ATAD2B: variants seen among roughly 807,000 people sequenced by gnomAD.
ATAD2B encodes ATPase family AAA domain-containing protein 2B.
ATAD2B carries 40 observed loss-of-function variants against 167.6 expected under a neutral mutation model. That is an observed-to-expected ratio of 0.24 (90% CI 0.19 to 0.31). The LOEUF (loss-of-function observed/expected upper bound fraction) is 0.31, where lower values mean the gene tolerates loss of function less well. Among genes scored for constraint, ATAD2B ranks in the 10% least tolerant of loss-of-function variants. The pLI, the probability that ATAD2B is intolerant of heterozygous loss-of-function variation, is 1.00. For missense variants in ATAD2B, 1,242 were observed against 1,757.2 expected (o/e 0.71, Z 5.24); for synonymous variants, 579 against 596.5 (o/e 0.97, Z 0.43).
the ATAD2B span, among the ~76,000 whole-genome samples, chr2:23,731,438 A>G: frequency 6.6e-6 from 1 of 152,210 alleles, no homozygotes; most frequent in Non-Finnish European, 1.5e-5. Flanking sequence ...ACATCACAAT[A>G]AGGAGGATAA....
intron 22 of ATAD2B, among the ~76,000 whole-genome samples, chr2:23,773,088 A>C (rs1342654047): frequency 1.3e-5 from 2 of 152,098 alleles, no homozygotes; most frequent in African/African-American, 2.4e-5. Context: ...CTTTTCAATC[A>C]TTGTTTAGAA....
the ATAD2B span, among the ~76,000 whole-genome samples, chr2:23,684,809 C>T: frequency 0.033 from 4,961 of 152,186 alleles, 99 homozygotes; most frequent in South Asian, 0.085. The surrounding 1 kb of genome is among the most constrained non-coding windows in gnomAD (Gnocchi z 4.4). Context: ...TAGACAACAC[C>T]GTGCCCCACC....
At chr2:23,718,405 G>A in the ATAD2B span, among the ~76,000 whole-genome samples, 1 of 152,184 alleles carries the variant, frequency 6.6e-6, no homozygotes, top group Non-Finnish European at 1.5e-5. Flanking sequence ...CAGGAAAGGG[G>A]TGTCTTAGGA....
downstream of ATAD2B, among the ~76,000 whole-genome samples, chr2:23,745,148 G>A (rs1000723232): frequency 6.6e-6 from 1 of 152,016 alleles, no homozygotes; most frequent in South Asian, 2.1e-4. Context: ...TTAGCCAGGG[G>A]TGGTGGCACA....
chr2:23,731,159 A>C, the ATAD2B span, among the ~76,000 whole-genome samples: 305 of 152,358 alleles, frequency 2.0e-3, 1 homozygote, highest in African/African-American at 6.8e-3. Flanking sequence ...CTATGAATTC[A>C]TAATAATACC....
intron 7 of ATAD2B, 93 bp downstream of exon 7, chr2:23,880,546 G>C (rs2150205134): frequency 1.4e-6 from 1 of 710,040 alleles, no homozygotes; most frequent in Non-Finnish European, 2.4e-6. Context: ...CTGGGCGATG[G>C]AGCGAGACTC....
At chr2:23,823,189 G>T in intron 16 of ATAD2B, 69 bp downstream of exon 16, 1 of 1,260,862 alleles carries the variant, frequency 7.9e-7, no homozygotes, top group Non-Finnish European at 1.1e-6. Context: ...ATAATCTTAT[G>T]AGGAAACTAT....
chr2:23,822,103 C>CTCAT (rs933351685), intron 16 of ATAD2B, among the ~76,000 whole-genome samples: 5 of 152,214 alleles, frequency 3.3e-5, no homozygotes, highest in Admixed American at 3.3e-4. Context: ...CTGCACACTG[C>CTCAT]AGAGTGTCCT....
the ATAD2B span, among the ~76,000 whole-genome samples, chr2:23,738,581 G>C: frequency 6.6e-6 from 1 of 152,144 alleles, no homozygotes; most frequent in Non-Finnish European, 1.5e-5. Flanking sequence ...ACTGGTACCA[G>C]CCACTGCAAA....
At chr2:23,886,930 CAAA>C (rs771470947) in intron 4 of ATAD2B, among the ~76,000 whole-genome samples, 2 of 116,414 alleles carry the variant, frequency 1.7e-5, no homozygotes, top group African/African-American at 3.2e-5. Context: ...GACTCCATCT[CAAA>C]AAAAAAAAAA....
chr2:23,880,342 AT>A (rs1435349536), intron 7 of ATAD2B, among the ~76,000 whole-genome samples: 1 of 152,122 alleles, frequency 6.6e-6, no homozygotes, highest in Non-Finnish European at 1.5e-5. Flanking sequence ...GGCAATATTA[AT>A]TTTTTTAAAA....
In ATAD2B at chr2:23,805,035, C is replaced by T. The variant is rs1684142419; in HGVS notation, c.2454+5281G>A. 2.6e-5 allele frequency among the ~76,000 whole-genome samples: 4 copies of T among 151,106 alleles called. No individual in the cohort carries two copies. In the South Asian group the frequency reaches 6.2e-4, roughly 24 times the overall value. On this transcript the variant is annotated intron_variant, in intron 18 of 27. Coordinates refer to ENST00000238789, the MANE Select transcript of ATAD2B (RefSeq NM_017552.4). The stretch of plus-strand genomic sequence containing the variant: ...GTGGGCGCCTATAATCCCACCTACT[C>T]GGGAGGCTTAGACAGGAGAATCACT...
chr2:23,792,389 T>C (rs962509889), intron 19 of ATAD2B, among the ~76,000 whole-genome samples: 1 of 151,802 alleles, frequency 6.6e-6, no homozygotes, highest in African/African-American at 2.4e-5. Flanking sequence ...TTCCTTAGAA[T>C]TGTTAGTCCC....
intron 19 of ATAD2B, among the ~76,000 whole-genome samples, chr2:23,797,423 A>C (rs17045924): frequency 0.023 from 3,502 of 152,230 alleles, 134 homozygotes; most frequent in African/African-American, 0.079. Flanking sequence ...TACGTGTATT[A>C]GTAATAACAT....
intron 22 of ATAD2B, among the ~76,000 whole-genome samples, chr2:23,765,946 A>C (rs1677349337): frequency 1.3e-5 from 2 of 152,224 alleles, no homozygotes; most frequent in African/African-American, 4.8e-5. Flanking sequence ...GTAAAAATTT[A>C]AAAAGTATTT....
chr2:23,885,908 CA>C, intron 4 of ATAD2B, 79 bp from the exon 5 acceptor site: 1 of 820,136 alleles, frequency 1.2e-6, no homozygotes, highest in Non-Finnish European at 1.9e-6. Context: ...AAAGTGTAAT[CA>C]AATCATCTCT....
intron 11 of ATAD2B, 141 bp from the exon 12 acceptor site, chr2:23,863,696 T>C (rs1203717960): frequency 1.5e-5 from 12 of 792,054 alleles, no homozygotes; most frequent in East Asian, 2.8e-5. Flanking sequence ...TTCCAGGATA[T>C]AGACAAAAGT....
At chr2:23,901,893 A>C (rs1405412621) in intron 1 of ATAD2B, among the ~76,000 whole-genome samples, 1 of 152,120 alleles carries the variant, frequency 6.6e-6, no homozygotes, top group Non-Finnish European at 1.5e-5. Context: ...TGAAGACAAA[A>C]AAAAAAGTAG....
chr2:23,911,617 A>AG, intron 1 of ATAD2B, among the ~76,000 whole-genome samples: 1 of 141,862 alleles, frequency 7.0e-6, no homozygotes, highest in South Asian at 2.3e-4. Flanking sequence ...GGGGAGGGGG[A>AG]GGGGGCGAAG....
Sources: allele counts gnomAD v4.1 joint callset (sites outside exome capture counted in the v4.1 genomes callset), GRCh38; gene constraint gnomAD v4.1.1; non-coding constraint Gnocchi (gnomAD v3.1); transcripts MANE v1.5; gene names NCBI Gene and HGNC (gene_info 2026-07-23, HGNC 2026-07-21).